ZNF500: variants seen among roughly 807,000 people sequenced by gnomAD.
ZNF500 encodes zinc finger protein with KRAB and SCAN domains 18.
In ZNF500, 31 loss-of-function variants were observed where a neutral mutation model predicts 30.1. That is an observed-to-expected ratio of 1.03 (90% CI 0.77 to 1.39). ZNF500 has a LOEUF of 1.39. Ranked by LOEUF, ZNF500 falls within the 40% of genes most tolerant of loss-of-function variation. The probability of loss-of-function intolerance (pLI) is 0.00; values close to 1 mark genes in which losing one functional copy is unlikely to be tolerated. For missense variants in ZNF500, 817 were observed against 657.8 expected (o/e 1.24, Z -2.65); for synonymous variants, 392 against 282.0 (o/e 1.39, Z -3.91).
At chr16:4,762,895 C>T in intron 2 of ZNF500, 139 bp from the exon 3 acceptor site, 2 of 1,418,752 alleles carry the variant, frequency 1.4e-6, no homozygotes, top group South Asian at 3.1e-5. Flanking sequence ...TCCCTCTGCC[C>T]AGCCGTGTGG....
intron 2 of ZNF500, 38 bp downstream of exon 2, chr16:4,765,527 C>T: frequency 6.5e-7 from 1 of 1,544,790 alleles, no homozygotes; most frequent in East Asian, 2.3e-5. Flanking sequence ...CAGCAGGGCC[C>T]CATTTCCTCA....
chr16:4,751,650 G>A lies in ZNF500; in HGVS notation c.*726C>T, dbSNP rs1422341388. The A allele has an allele frequency of 6.5e-7, 1 of 1,535,038 alleles. No individual in the cohort carries two copies. The highest frequency in any genetic ancestry group is 2.4e-5 in the East Asian group (1 of 40,916). ...CAAATTCATGTGCACCCAGACCTCA[G>A]AATGTGACCTTATTTGGAAACACGG... On this transcript the variant is annotated 3_prime_UTR_variant, in exon 6 of 6. Transcript: ENST00000219478.
downstream of ZNF500, chr16:4,746,476 G>C: frequency 6.2e-7 from 1 of 1,613,724 alleles, no homozygotes; most frequent in Non-Finnish European, 8.5e-7. Context: ...ATTGACCTGC[G>C]GCAGATGGAG....
In ZNF500 at chr16:4,752,418, C is replaced by T. The variant is rs767982408; in HGVS notation, c.1401G>A (p.Thr467=). The change falls in exon 6 of 6, where the codon ACG becomes ACA. Residue 467 remains threonine, a synonymous_variant. Coordinates refer to ENST00000219478, the MANE Select transcript of ZNF500 (RefSeq NM_021646.4). ...RTHMGAGSLP[T]LQPVAPGGPG... ...GGCCTCCAGGAGCCACCGGCTGGAG[C>T]GTCGGCAAGGAGCCTGCCCCCATGT... is the stretch of plus-strand genomic sequence containing the variant. The T allele has an allele frequency of 1.0e-5, 16 of 1,526,018 alleles. No individual in the cohort carries two copies. The Admixed American group carries it at 2.1e-4, about 20-fold the overall frequency. 94.5% of individuals were successfully genotyped at this position (1,526,018 alleles called of 1,614,324 possible).
chr16:4,752,129 A>G lies in ZNF500; in HGVS notation c.*247T>C. The G allele has an allele frequency of 7.4e-7, 1 of 1,348,052 alleles. No homozygotes were observed. Among genetic ancestry groups the G allele is most frequent in the Non-Finnish European group, 9.5e-7 (1 of 1,055,540 alleles). 83.5% of individuals were successfully genotyped at this position (1,348,052 alleles called of 1,614,324 possible). A position where few individuals can be genotyped will look rare whatever the true frequency, so the allele number is the denominator to read the frequency against. On this transcript the variant is annotated 3_prime_UTR_variant, in exon 6 of 6. Transcript: ENST00000219478. ...CTCCTGAGTGTGTCTCTGTGGCTGA[A>G]GCCCCTGCTCTGTGTCACCTGTTCT... is the stretch of plus-strand genomic sequence containing the variant.
At chr16:4,764,396 G>C (rs991183555) in intron 2 of ZNF500, among the ~76,000 whole-genome samples, 2 of 152,116 alleles carry the variant, frequency 1.3e-5, no homozygotes, top group African/African-American at 4.8e-5. Flanking sequence ...CGTGGTGGCA[G>C]ATCCCTGTAA....
At chr16:4,747,214 G>A, downstream of ZNF500, 1 of 1,290,032 alleles carries the variant, frequency 7.8e-7, no homozygotes, top group East Asian at 2.3e-5. Flanking sequence ...AGCAGTGATG[G>A]GCTGCCTGAA....
rs139085659 is a variant in ZNF500, at chr16:4,765,616, G to A, written c.363C>T (p.Ala121=). 40 of 1,612,620 alleles carry A rather than the reference G, an allele frequency of 2.5e-5. No homozygotes were observed. The highest frequency in any genetic ancestry group is 1.6e-4 in the Middle Eastern group (1 of 6,074). ...REQQPESGEE[A]VVLVEGLQRK... Reference sequence around the variant, plus strand: ...GCTGCAGCCCTTCCACAAGGACCACGGCCTCCTCACCGCTCTCCGGCTGCT... The same window carrying A: ...GCTGCAGCCCTTCCACAAGGACCACAGCCTCCTCACCGCTCTCCGGCTGCT... Residue 121 remains alanine (A), a synonymous_variant, in exon 2 of 6, where the codon GCC becomes GCT. Coordinates refer to ENST00000219478, the MANE Select transcript of ZNF500 (RefSeq NM_021646.4).
chr16:4,751,741 G>A lies in ZNF500; in HGVS notation c.*635C>T. On this transcript the variant is annotated 3_prime_UTR_variant, in exon 6 of 6. Coordinates refer to ENST00000219478, the MANE Select transcript of ZNF500 (RefSeq NM_021646.4). ...TTGGGGGACCCTAAACCCAGTGAGT[G>A]GTGGCCCTACCAAAAAAGAGACTGG... The A allele has an allele frequency of 8.5e-7, 1 of 1,178,450 alleles. No homozygotes were observed. The highest frequency in any genetic ancestry group is 1.2e-6 in the Non-Finnish European group (1 of 825,004). 73.0% of individuals were successfully genotyped at this position (1,178,450 alleles called of 1,614,324 possible).
downstream of ZNF500, chr16:4,746,333 C>T: frequency 6.3e-7 from 1 of 1,578,776 alleles, no homozygotes; most frequent in Non-Finnish European, 8.6e-7. Flanking sequence ...ACAGAGTTAT[C>T]ACAGAGAACT....
intron 5 of ZNF500, 122 bp downstream of exon 5, chr16:4,760,370 A>T: frequency 3.6e-6 from 3 of 839,250 alleles, no homozygotes; most frequent in Non-Finnish European, 5.7e-6. Flanking sequence ...GGATACGGGT[A>T]GCCCTGTCCA....
chr16:4,758,259 T>C (rs9935103), intron 5 of ZNF500: 87,354 of 151,608 alleles, frequency 0.58, 25,916 homozygotes, highest in East Asian at 0.66. Context: ...CAGACCTTTT[T>C]TACCATAGGC....
rs1403134799 is a variant in ZNF500 at position 4,762,564 on chromosome 16, G to T, written c.598+9C>A. 2 of 1,607,580 alleles carry T rather than the reference G, an allele frequency of 1.2e-6. No individual in the cohort carries two copies. The highest frequency in any genetic ancestry group is 1.3e-5 in the African/African-American group (1 of 74,946). ...CCACTTCTCATTCCTCCAAAGGGGT[G>T]CTACTCACCTCTCTCTGGCCACAAC... On this transcript the variant is annotated intron_variant, in intron 3 of 5. Transcript: ENST00000219478.
chr16:4,747,597 C>G (rs200704525), downstream of ZNF500: 7 of 1,609,752 alleles, frequency 4.3e-6, no homozygotes, highest in East Asian at 1.3e-4. Flanking sequence ...GCCAGGGAGG[C>G]CCTGATGCCT....
intron 5 of ZNF500, chr16:4,753,319 G>A (rs968981161): frequency 1.8e-5 from 10 of 551,090 alleles, no homozygotes; most frequent in Non-Finnish European, 8.6e-6. Context: ...AAAACTAGCT[G>A]GGCATGGTGG....
chr16:4,756,155 T>C (rs1421163617), intron 5 of ZNF500, among the ~76,000 whole-genome samples: 5 of 152,216 alleles, frequency 3.3e-5, no homozygotes, highest in African/African-American at 9.6e-5. Context: ...ACCAGCACTC[T>C]GAAATGCCGA....
chr16:4,763,800 C>A (rs1167308153), intron 2 of ZNF500: 1 of 985,226 alleles, frequency 1.0e-6, no homozygotes, highest in African/African-American at 1.7e-5. Flanking sequence ...TCTTGGCCAC[C>A]CCGATGGCAG....
chr16:4,763,657 G>A (rs951911818), intron 2 of ZNF500: 116 of 985,256 alleles, frequency 1.2e-4, no homozygotes, highest in Admixed American at 3.7e-4. Flanking sequence ...GCCCCTCTCA[G>A]CTCAGTGATG....
At chr16:4,747,650 G>A (rs572416705), downstream of ZNF500, 1 of 1,586,932 alleles carries the variant, frequency 6.3e-7, no homozygotes, top group East Asian at 2.3e-5. Flanking sequence ...GGGATCCCAG[G>A]AGTGGGCAGG....
Sources: gnomAD v4.1 joint callset for allele counts (sites outside exome capture counted in the v4.1 genomes callset) on GRCh38, gnomAD v4.1.1 for gene constraint, MANE v1.5 for transcripts, NCBI Gene and HGNC (gene_info 2026-07-23, HGNC 2026-07-21) for gene names.